CPNE4: variants seen among roughly 807,000 people sequenced by gnomAD.
The protein encoded by CPNE4 is copine-4.
Under a neutral mutation model 67.9 loss-of-function variants are expected in CPNE4, and 25 were observed. That is an observed-to-expected ratio of 0.37 (90% confidence interval 0.27 to 0.51). The LOEUF (loss-of-function observed/expected upper bound fraction) is 0.51, where lower values mean the gene tolerates loss of function less well. CPNE4 is among the 20% of genes least tolerant of loss of function. The probability of loss-of-function intolerance (pLI) is 0.93; values close to 1 mark genes in which losing one functional copy is unlikely to be tolerated. For synonymous variants in CPNE4, 242 were observed against 244.9 expected, an observed-to-expected ratio of 0.99 and a Z score of 0.11; for missense variants, 464 against 690.8, an observed-to-expected ratio of 0.67 and a Z score of 3.68.
intron 7 of CPNE4, among the ~76,000 whole-genome samples, chr3:131,644,605 A>G (rs2079618620): frequency 6.6e-6 from 1 of 152,240 alleles, no homozygotes; most frequent in Non-Finnish European, 1.5e-5. Context: ...ATTTATTCTT[A>G]TACAAGAAGG....
chr3:131,578,528 C>A (rs1294004723), intron 9 of CPNE4, among the ~76,000 whole-genome samples: 2 of 152,184 alleles, frequency 1.3e-5, no homozygotes, highest in Non-Finnish European at 2.9e-5. Flanking sequence ...AAATTAAAAG[C>A]TAGAAATGAT....
intron 2 of CPNE4, among the ~76,000 whole-genome samples, chr3:131,724,023 C>T (rs780311901): frequency 3.3e-5 from 5 of 152,030 alleles, no homozygotes; most frequent in Non-Finnish European, 5.9e-5. Context: ...TTGATTGATG[C>T]ATTTCATGAT....
At chr3:131,942,072 A>G (rs374217438) in intron 1 of CPNE4, among the ~76,000 whole-genome samples, 2 of 152,084 alleles carry the variant, frequency 1.3e-5, no homozygotes, top group East Asian at 3.8e-4. Context: ...AAAAAAATTG[A>G]AAAATATTTT....
intron 1 of CPNE4, among the ~76,000 whole-genome samples, chr3:131,939,100 G>C (rs938806147): frequency 6.6e-6 from 1 of 152,064 alleles, no homozygotes; most frequent in Non-Finnish European, 1.5e-5. Flanking sequence ...AATTGTAAAC[G>C]CATATACCCT....
chr3:131,705,768 T>C (rs1426018706), intron 3 of CPNE4, among the ~76,000 whole-genome samples: 1 of 152,198 alleles, frequency 6.6e-6, no homozygotes, highest in Non-Finnish European at 1.5e-5. Context: ...CAAGTGTAAT[T>C]ACAGGCTTTT....
intron 2 of CPNE4, among the ~76,000 whole-genome samples, chr3:131,880,995 C>G (rs1398043417): frequency 6.6e-6 from 1 of 152,186 alleles, no homozygotes; most frequent in African/African-American, 2.4e-5. Context: ...TGCTATCAGC[C>G]TGGCCTTGTA....
intron 2 of CPNE4, among the ~76,000 whole-genome samples, chr3:131,791,654 G>C (rs2083725543): frequency 6.6e-6 from 1 of 152,144 alleles, no homozygotes; most frequent in Admixed American, 6.6e-5. Flanking sequence ...AGTACAGATG[G>C]AACTGGAAGA....
intron 2 of CPNE4, among the ~76,000 whole-genome samples, chr3:131,893,991 C>CA (rs369698274): frequency 1.5e-4 from 22 of 150,908 alleles, no homozygotes; most frequent in African/African-American, 5.1e-4. Flanking sequence ...ATATAGACTA[C>CA]AAAAAAAAGA....
intron 7 of CPNE4, among the ~76,000 whole-genome samples, chr3:131,629,530 C>T (rs993436279): frequency 2.0e-5 from 3 of 151,986 alleles, no homozygotes; most frequent in Non-Finnish European, 2.9e-5. Context: ...CTGCACCCTC[C>T]GCTTCCCAGG....
intron 2 of CPNE4, among the ~76,000 whole-genome samples, chr3:131,778,304 T>G (rs1016121537): frequency 1.3e-5 from 2 of 152,052 alleles, no homozygotes; most frequent in African/African-American, 4.8e-5. Context: ...CCTCCTATCG[T>G]GTACCCTTCC....
At chr3:131,780,953 T>G (rs1295485491) in intron 2 of CPNE4, among the ~76,000 whole-genome samples, 1 of 152,016 alleles carries the variant, frequency 6.6e-6, no homozygotes, top group Non-Finnish European at 1.5e-5. Context: ...GAGGTCCGTG[T>G]GGCTGGACAG....
intron 2 of CPNE4, among the ~76,000 whole-genome samples, chr3:131,851,297 A>T (rs780875027): frequency 6.6e-6 from 1 of 152,080 alleles, no homozygotes; most frequent in Non-Finnish European, 1.5e-5. Flanking sequence ...TTAAAAATTA[A>T]TATTTTTAAT....
intron 1 of CPNE4, among the ~76,000 whole-genome samples, chr3:131,965,484 C>T (rs562980375): frequency 1.1e-4 from 17 of 152,294 alleles, no homozygotes; most frequent in African/African-American, 4.1e-4. Flanking sequence ...AGACCCATCT[C>T]ACATGCAAAG....
chr3:131,899,545 C>A (rs2088471212), intron 2 of CPNE4, among the ~76,000 whole-genome samples: 1 of 152,064 alleles, frequency 6.6e-6, no homozygotes, highest in East Asian at 1.9e-4. Flanking sequence ...GCTTTGGAAG[C>A]AACCAGATTC....
intron 1 of CPNE4, among the ~76,000 whole-genome samples, chr3:131,977,947 C>T (rs1390666161): frequency 6.7e-6 from 1 of 149,070 alleles, no homozygotes; most frequent in East Asian, 2.0e-4. Flanking sequence ...TTTTCCATTC[C>T]TGAGTTATTT....
chr3:131,900,515 TAAGTC>T (rs779566142), intron 2 of CPNE4, among the ~76,000 whole-genome samples: 14 of 152,074 alleles, frequency 9.2e-5, no homozygotes, highest in South Asian at 2.1e-4. Context: ...GAAAAAGATT[TAAGTC>T]AAGATTTCAT....
intron 15 of CPNE4, among the ~76,000 whole-genome samples, chr3:131,542,261 G>C (rs1402347659): frequency 6.6e-6 from 1 of 152,084 alleles, no homozygotes; most frequent in African/African-American, 2.4e-5. Context: ...ATGAATTATA[G>C]GGCAAGCATC....
intron 10 of CPNE4, among the ~76,000 whole-genome samples, chr3:131,566,036 G>T (rs1937040861): frequency 1.3e-5 from 2 of 151,780 alleles, no homozygotes; most frequent in Admixed American, 1.3e-4. Context: ...CTTGGAGTTG[G>T]GTTTAAATCC....
intron 2 of CPNE4, among the ~76,000 whole-genome samples, chr3:131,789,838 G>A (rs1041579906): frequency 6.6e-6 from 1 of 152,128 alleles, no homozygotes; most frequent in African/African-American, 2.4e-5. Context: ...AGAAAATCAA[G>A]TTAGAATTCT....
Sources: gnomAD v4.1 joint callset for allele counts (sites outside exome capture counted in the v4.1 genomes callset) on GRCh38, gnomAD v4.1.1 for gene constraint, MANE v1.5 for transcripts, NCBI Gene and HGNC (gene_info 2026-07-23, HGNC 2026-07-21) for gene names.